PIEZO2: variants seen among roughly 807,000 people sequenced by gnomAD.
The protein encoded by PIEZO2 is piezo type mechanosensitive ion channel component 2.
A neutral mutation model predicts 337.3 loss-of-function variants in PIEZO2; 172 were observed. The observed-to-expected ratio is 0.51, with a 90% CI of 0.45 to 0.58. PIEZO2 has a LOEUF of 0.58. Among genes scored for constraint, PIEZO2 ranks in the 20% least tolerant of loss-of-function variants. The pLI, the probability that PIEZO2 is intolerant of heterozygous loss-of-function variation, is 0.00. For missense variants in PIEZO2, 3,028 were observed against 3,391.3 expected, an observed-to-expected ratio of 0.89 and a Z score of 2.66; for synonymous variants, 1,251 against 1,228.5, an observed-to-expected ratio of 1.02 and a Z score of -0.38.
intron 47 of PIEZO2, 22 bp downstream of exon 47, chr18:10,696,052 C>T (rs1482631289): frequency 6.2e-7 from 1 of 1,601,006 alleles, no homozygotes; most frequent in Non-Finnish European, 8.6e-7. Flanking sequence ...AGGTTGGTGC[C>T]TCTGGCTTCT....
chr18:10,685,100 G>A (rs183695013), intron 49 of PIEZO2, among the ~76,000 whole-genome samples: 37 of 152,230 alleles, frequency 2.4e-4, no homozygotes, highest in African/African-American at 4.8e-4. Flanking sequence ...GTGTGTGCTC[G>A]GACCAACATT....
intron 3 of PIEZO2, among the ~76,000 whole-genome samples, chr18:10,939,750 C>T (rs1458884979): frequency 6.6e-6 from 1 of 152,058 alleles, no homozygotes; most frequent in Non-Finnish European, 1.5e-5. Context: ...GGGAACAGCA[C>T]ACACTGTGGC....
In PIEZO2 at chr18:10,673,931, T is replaced by A. The variant is rs1225599790; in HGVS notation, c.8162-1058A>T. 1.3e-5 allele frequency among the ~76,000 whole-genome samples: 2 copies of A among 152,176 alleles called. No individual in the cohort carries two copies. The highest frequency in any genetic ancestry group is 2.4e-5 in the African/African-American group (1 of 41,440). ...CTAAAAAGATCATACCAAAATTTCA[T>A]AATGTTTTAAGAAAGTTTACAGATT... On this transcript the variant is annotated intron_variant, in intron 54 of 55. Coordinates refer to ENST00000674853, the MANE Select transcript of PIEZO2 (RefSeq NM_001378183.1). The surrounding 1 kb of genome is among the most constrained non-coding windows in gnomAD (Gnocchi z 4.8).
At chr18:10,791,714 C>T (rs1408922849) in intron 13 of PIEZO2, 1 of 153,590 alleles carries the variant, frequency 6.5e-6, no homozygotes, top group Admixed American at 6.5e-5. Flanking sequence ...GCATAATACT[C>T]CCTTGACTGC....
intron 2 of PIEZO2, among the ~76,000 whole-genome samples, chr18:11,044,641 CA>C (rs1416373152): frequency 6.6e-6 from 1 of 152,194 alleles, no homozygotes; most frequent in Non-Finnish European, 1.5e-5. Context: ...TGTGTCACTA[CA>C]AACCTAACCC....
Position 10,672,960 on chromosome 18 carries a change from T to C in PIEZO2, c.8162-87A>G, listed in dbSNP as rs373470693. ...ACAGTTTTCAGATGGCAAAATCTGG[T>C]TACTAACTATAGCATAAGGTTCTAG... On this transcript the variant is annotated intron_variant, in intron 54 of 55. Transcript: ENST00000674853. The surrounding 1 kb of genome is among the most constrained non-coding windows in gnomAD (Gnocchi z 4.7). 3.6e-5 allele frequency: 39 copies of C among 1,069,644 alleles called. No homozygotes were observed. The highest frequency in any genetic ancestry group is 1.2e-4 in the East Asian group (5 of 41,218). 66.3% of individuals were successfully genotyped at this position (1,069,644 alleles called of 1,614,324 possible).
Position 11,008,327 on chromosome 18 carries a change from G to A in PIEZO2, c.161-28667C>T, listed in dbSNP as rs576450004. ...GCATTGAAAATAGGCCCATGACACC[G>A]TAGCACCAGTTACTGTCCAATCAAG... is the stretch of plus-strand genomic sequence containing the variant. On this transcript the variant is annotated intron_variant, in intron 2 of 55. Coordinates refer to ENST00000674853, the MANE Select transcript of PIEZO2 (RefSeq NM_001378183.1). Among the ~76,000 whole-genome samples the A allele has an allele frequency of 1.3e-3, 192 of 152,246 alleles. 4 individuals carry two copies. The South Asian group carries it at 0.035, about 28-fold the overall frequency.
intron 3 of PIEZO2, among the ~76,000 whole-genome samples, chr18:10,970,298 T>C (rs1255148202): frequency 1.3e-5 from 2 of 152,124 alleles, no homozygotes; most frequent in Non-Finnish European, 2.9e-5. Flanking sequence ...CTTATTGGAA[T>C]TGGCAACGGG....
intron 7 of PIEZO2, among the ~76,000 whole-genome samples, chr18:10,823,838 TATAAAAC>T (rs1302868439): frequency 1.3e-5 from 2 of 152,308 alleles, no homozygotes; most frequent in Admixed American, 1.3e-4. Flanking sequence ...TGATAGGACT[TATAAAAC>T]ATACACAGAC....
At chr18:10,760,796 G>T in intron 24 of PIEZO2, 115 bp downstream of exon 24, 1 of 837,982 alleles carries the variant, frequency 1.2e-6, no homozygotes. Flanking sequence ...CTTCTCAAGG[G>T]GACAGCTATC....
At chr18:10,756,021 G>A (rs1244770534) in intron 27 of PIEZO2, among the ~76,000 whole-genome samples, 2 of 143,166 alleles carry the variant, frequency 1.4e-5, no homozygotes, top group Non-Finnish European at 3.1e-5. Flanking sequence ...TGAGGAGGAG[G>A]GATGGGGATA....
chr18:10,726,876 G>A lies in PIEZO2; in HGVS notation c.5029+4531C>T. Reference sequence around the variant, plus strand: ...ACTTGGCACGCTACCGGCAGCAGCTGAAGCACATCATGGCCACCAACCGGC... The same window carrying A: ...ACTTGGCACGCTACCGGCAGCAGCTAAAGCACATCATGGCCACCAACCGGC... On this transcript the variant is annotated intron_variant, in intron 36 of 55. Coordinates refer to ENST00000674853, the MANE Select transcript of PIEZO2 (RefSeq NM_001378183.1). The surrounding 1 kb of genome is among the most constrained non-coding windows in gnomAD (Gnocchi z 5.9). The A allele has an allele frequency of 6.3e-7, 1 of 1,598,548 alleles. No individual in the cohort carries two copies. The highest frequency in any genetic ancestry group is 8.6e-7 in the Non-Finnish European group (1 of 1,168,602).
At chr18:10,983,852 G>T (rs192481915) in intron 2 of PIEZO2, among the ~76,000 whole-genome samples, 56 of 152,244 alleles carry the variant, frequency 3.7e-4, no homozygotes, top group African/African-American at 1.3e-3. Flanking sequence ...GAGGGAGAAG[G>T]TATACAACGT....
rs191981079 is a variant in PIEZO2 at position 11,129,342 on chromosome 18, G to A, written c.64+19183C>T. On this transcript the variant is annotated intron_variant, in intron 1 of 55. Coordinates refer to ENST00000674853, the MANE Select transcript of PIEZO2 (RefSeq NM_001378183.1). The surrounding 1 kb of genome is among the most constrained non-coding windows in gnomAD (Gnocchi z 4.6). ...CTCAACTGTCAAAGGCAAGGTAGGC[G>A]TAGCTACCATAATGGACAGCAGAGG... 4.1e-4 allele frequency among the ~76,000 whole-genome samples: 62 copies of A among 152,286 alleles called. No individual in the cohort carries two copies. Among genetic ancestry groups the A allele is most frequent in the Admixed American group, 2.2e-3 (33 of 15,300 alleles).
rs2040035531 is a variant in PIEZO2 at position 10,807,412 on chromosome 18, C to T, written c.918-138G>A. 4 of 699,596 alleles carry T rather than the reference C, an allele frequency of 5.7e-6. No individual in the cohort carries two copies. In the Admixed American group the frequency reaches 1.2e-4, roughly 21 times the overall value. The allele number at this position is 699,596 out of a possible 1,614,324, so 43.3% of individuals were successfully genotyped here. On this transcript the variant is annotated intron_variant, in intron 7 of 55. Coordinates refer to ENST00000674853, the MANE Select transcript of PIEZO2 (RefSeq NM_001378183.1). ...GTTCTATTGTAGATATTTCAATTAC[C>T]CTTCTGTATACGTAATTACATATTT...
chr18:10,817,466 G>A (rs1220483857), intron 7 of PIEZO2, among the ~76,000 whole-genome samples: 2 of 152,138 alleles, frequency 1.3e-5, no homozygotes, highest in Non-Finnish European at 2.9e-5. Flanking sequence ...AAAAGGCAGA[G>A]TGTAAAAAAT....
chr18:10,709,722 T>A (rs2035740684), intron 39 of PIEZO2: 1 of 152,268 alleles, frequency 6.6e-6, no homozygotes, highest in Non-Finnish European at 1.5e-5. Flanking sequence ...AGGTCCCATG[T>A]GCTGGAGCAC....
chr18:11,085,334 C>G (rs796488340), intron 1 of PIEZO2, among the ~76,000 whole-genome samples: 34 of 152,284 alleles, frequency 2.2e-4, no homozygotes, highest in African/African-American at 7.9e-4. Flanking sequence ...TCTCACGCAT[C>G]AGGCCTCATC....
chr18:11,005,578 C>T (rs979461175), intron 2 of PIEZO2, among the ~76,000 whole-genome samples: 10 of 151,928 alleles, frequency 6.6e-5, no homozygotes, highest in East Asian at 1.9e-4. Context: ...TGTAGATTAG[C>T]GACTGCTAAT....
Sources: allele counts gnomAD v4.1 joint callset (sites outside exome capture counted in the v4.1 genomes callset), GRCh38; gene constraint gnomAD v4.1.1; non-coding constraint Gnocchi (gnomAD v3.1); transcripts MANE v1.5; gene names NCBI Gene and HGNC (gene_info 2026-07-23, HGNC 2026-07-21).